The following LARP1B variants were observed in gnomAD, a reference collection of about 807,000 sequenced individuals.
LARP1B encodes the protein La ribonucleoprotein 1B.
In LARP1B, 76 loss-of-function variants were observed where a neutral mutation model predicts 114.2. That is an observed-to-expected ratio of 0.67 (90% CI 0.55 to 0.81). The LOEUF (loss-of-function observed/expected upper bound fraction) is 0.81. Ranked by LOEUF, LARP1B falls within the 30% of genes least tolerant of loss-of-function variation. LARP1B has a pLI of 0.00. For missense variants in LARP1B, 1,014 were observed against 1,075.8 expected (o/e 0.94, Z 0.80); for synonymous variants, 345 against 348.0 (o/e 0.99, Z 0.10).
intron 10 of LARP1B, among the ~76,000 whole-genome samples, chr4:128,115,386 A>T (rs1049046324): frequency 6.6e-6 from 1 of 152,108 alleles, no homozygotes; most frequent in African/African-American, 2.4e-5. Context: ...ACATAGGGTG[A>T]CCCTGTCTCT....
intron 12 of LARP1B, among the ~76,000 whole-genome samples, chr4:128,163,828 C>T (rs964460171): frequency 6.6e-6 from 1 of 151,992 alleles, no homozygotes; most frequent in Admixed American, 6.6e-5. Flanking sequence ...GCTCTAAAGC[C>T]ACCTTTCATT....
At chr4:128,084,813 G>A (rs1261770307) in intron 5 of LARP1B, among the ~76,000 whole-genome samples, 1 of 151,982 alleles carries the variant, frequency 6.6e-6, no homozygotes, top group Non-Finnish European at 1.5e-5. Context: ...GATTACCCCT[G>A]TAACTTTATT....
chr4:128,160,866 G>A lies in LARP1B; in HGVS notation c.1525-1328G>A, dbSNP rs909947043. Among the ~76,000 whole-genome samples, 17 of 152,264 alleles carry A rather than the reference G, an allele frequency of 1.1e-4. No homozygotes were observed. In the South Asian group the frequency reaches 2.9e-3, roughly 26 times the overall value. Reference sequence around the variant, plus strand: ...AGGCTAACATTGGGATTTAATAAATGGTTTGAGCTGACAAGTGACTTCATC... The same window carrying A: ...AGGCTAACATTGGGATTTAATAAATAGTTTGAGCTGACAAGTGACTTCATC... On this transcript the variant is annotated intron_variant, in intron 11 of 19. Coordinates refer to ENST00000326639, the MANE Select transcript of LARP1B (RefSeq NM_018078.4).
intron 11 of LARP1B, among the ~76,000 whole-genome samples, chr4:128,135,179 T>A (rs1390623225): frequency 6.6e-6 from 1 of 151,630 alleles, no homozygotes; most frequent in East Asian, 1.9e-4. Flanking sequence ...ATGCTCGAAG[T>A]CACTACTCAG....
At chr4:128,208,833 A>G (rs1578792802) in intron 19 of LARP1B, among the ~76,000 whole-genome samples, 1 of 152,294 alleles carries the variant, frequency 6.6e-6, no homozygotes, top group Non-Finnish European at 1.5e-5. Context: ...CAGTCTCATC[A>G]TAGGAATTCT....
At chr4:128,129,508 C>A (rs899539245) in intron 11 of LARP1B, among the ~76,000 whole-genome samples, 2 of 152,012 alleles carry the variant, frequency 1.3e-5, no homozygotes, top group Non-Finnish European at 2.9e-5. Context: ...TTAGTATACC[C>A]AATCAAAATC....
chr4:128,194,312 T>G (rs1033401219), intron 15 of LARP1B, among the ~76,000 whole-genome samples: 2 of 152,084 alleles, frequency 1.3e-5, no homozygotes, highest in Non-Finnish European at 2.9e-5. Context: ...TGTCAGGTGA[T>G]CCGCCCACCT....
chr4:128,140,824 G>GTTGTT lies in LARP1B; in HGVS notation c.1524+18638_1524+18639insGTTTT, dbSNP rs55639320. Among the ~76,000 whole-genome samples, 4 of 138,628 alleles carry GTTGTT rather than the reference G, an allele frequency of 2.9e-5. No homozygotes were observed. The South Asian group carries it at 9.1e-4, about 32-fold the overall frequency. The allele number at this position is 138,628 out of a possible 152,430, so 90.9% of individuals were successfully genotyped here. A position where few individuals can be genotyped will look rare whatever the true frequency, so the allele number is the denominator to read the frequency against. Reference sequence around the variant, plus strand: ...AAGTCAAGGTAGGTTAATTGTCTCTGTTTTTTTTTTTGGCAGAGTCTTGCT... The same window carrying GTTGTT: ...AAGTCAAGGTAGGTTAATTGTCTCTGTTGTTTTTTTTTTTTTGGCAGAGTCTTGCT... On this transcript the variant is annotated intron_variant, in intron 11 of 19. Transcript: ENST00000326639.
intron 15 of LARP1B, among the ~76,000 whole-genome samples, chr4:128,198,957 G>A (rs538569616): frequency 3.9e-5 from 6 of 152,132 alleles, no homozygotes; most frequent in Non-Finnish European, 8.8e-5. Flanking sequence ...AGAATTGCAG[G>A]TTCTGTCTTA....
In LARP1B at chr4:128,179,527, A is replaced by C; in HGVS notation, c.2003+15A>C. ...TCCTCTGTCAGGTACTATATTTCTC[A>C]AACATTACTTTTTTGTTCGTGATTT... On this transcript the variant is annotated intron_variant, in intron 15 of 19. Coordinates refer to ENST00000326639, the MANE Select transcript of LARP1B (RefSeq NM_018078.4). 2.4e-4 allele frequency: 362 copies of C among 1,481,888 alleles called. No homozygotes were observed. Among genetic ancestry groups the C allele is most frequent in the Middle Eastern group, 3.5e-4 (2 of 5,758 alleles). The allele number at this position is 1,481,888 out of a possible 1,614,324, so 91.8% of individuals were successfully genotyped here.
At chr4:128,100,664 G>A (rs1466406900) in intron 8 of LARP1B, among the ~76,000 whole-genome samples, 1 of 152,092 alleles carries the variant, frequency 6.6e-6, no homozygotes, top group Non-Finnish European at 1.5e-5. Context: ...TAGTGGAAAT[G>A]TCTGTTCAGA....
rs544129662 is a variant in LARP1B at position 128,110,676 on chromosome 4, C to CAA, written c.988+3379_988+3380dup. ...TGGGCGACAGAGCGAGACTCCGTCT[C>CAA]AAAAAAAAAAAAAAAAAGATGCAGC... is the stretch of plus-strand genomic sequence containing the variant. On this transcript the variant is annotated intron_variant, in intron 9 of 19. Coordinates refer to ENST00000326639, the MANE Select transcript of LARP1B (RefSeq NM_018078.4). Among the ~76,000 whole-genome samples the CAA allele has an allele frequency of 5.6e-4, 18 of 32,432 alleles. 1 individual carries two copies. Among genetic ancestry groups the CAA allele is most frequent in the African/African-American group, 2.3e-3 (14 of 6,052 alleles). The allele number at this position is 32,432 out of a possible 152,430, so 21.3% of individuals were successfully genotyped here. A position where few individuals can be genotyped will look rare whatever the true frequency, so the allele number is the denominator to read the frequency against.
intron 8 of LARP1B, among the ~76,000 whole-genome samples, chr4:128,105,658 G>A (rs1396599964): frequency 6.6e-6 from 1 of 152,126 alleles, no homozygotes; most frequent in Non-Finnish European, 1.5e-5. Flanking sequence ...TTGGGAGGCC[G>A]AGGCGGGTGG....
chr4:128,191,758 C>T (rs1391634155), intron 15 of LARP1B, among the ~76,000 whole-genome samples: 1 of 151,366 alleles, frequency 6.6e-6, no homozygotes, highest in Non-Finnish European at 1.5e-5. Flanking sequence ...ATTTTTTTTT[C>T]TCCCTGCTAG....
intron 15 of LARP1B, among the ~76,000 whole-genome samples, chr4:128,197,470 C>T (rs894814696): frequency 1.2e-4 from 18 of 152,104 alleles, no homozygotes; most frequent in Non-Finnish European, 2.1e-4. Flanking sequence ...CCGAGGCGGG[C>T]AGATCACGAG....
At chr4:128,140,794 G>A (rs1333716871) in intron 11 of LARP1B, among the ~76,000 whole-genome samples, 3 of 150,228 alleles carry the variant, frequency 2.0e-5, no homozygotes, top group African/African-American at 7.3e-5. Context: ...TTGTTCCTTG[G>A]TCTAAAGTCA....
intron 16 of LARP1B, among the ~76,000 whole-genome samples, chr4:128,200,066 A>C (rs960783138): frequency 3.3e-5 from 5 of 152,214 alleles, no homozygotes; most frequent in African/African-American, 1.2e-4. Flanking sequence ...AGCCTGGGCA[A>C]CAGAGTGAGA....
chr4:128,152,183 T>C (rs928222667), intron 11 of LARP1B, among the ~76,000 whole-genome samples: 4 of 151,302 alleles, frequency 2.6e-5, no homozygotes, highest in African/African-American at 7.3e-5. Context: ...TTGAATCAGC[T>C]ATTATGCTTA....
At chr4:128,066,473 C>T (rs886295664) in intron 1 of LARP1B, among the ~76,000 whole-genome samples, 31 of 131,736 alleles carry the variant, frequency 2.4e-4, no homozygotes, top group Non-Finnish European at 4.4e-4. Context: ...CCACTGCGCC[C>T]GGCCTTTTTT....
Sources: allele counts gnomAD v4.1 joint callset (sites outside exome capture counted in the v4.1 genomes callset), GRCh38; gene constraint gnomAD v4.1.1; transcripts MANE v1.5; gene names NCBI Gene and HGNC (gene_info 2026-07-23, HGNC 2026-07-21).